Variants in NARF observed in about 807,000 individuals in gnomAD.
The protein encoded by NARF is nuclear prelamin A recognition factor.
A neutral mutation model predicts 48.0 loss-of-function variants in NARF; 41 were observed. The observed-to-expected ratio is 0.85, with a 90% confidence interval of 0.66 to 1.11. The LOEUF is 1.11. NARF is among the 50% of genes least tolerant of loss of function. The probability of loss-of-function intolerance (pLI) is 0.00; values close to 1 mark genes in which losing one functional copy is unlikely to be tolerated. For missense variants in NARF, 613 were observed against 590.2 expected (o/e 1.04, Z -0.40); for synonymous variants, 215 against 225.5 (o/e 0.95, Z 0.42).
chr17:82,458,700 C>A (rs1029644727), upstream of NARF: 2 of 1,381,456 alleles, frequency 1.4e-6, no homozygotes, highest in African/African-American at 3.0e-5. Flanking sequence ...GAGGCCGCGT[C>A]GGGGGAGGAC....
At chr17:82,464,207 T>C in intron 2 of NARF, 80 bp from the exon 3 acceptor site, 1 of 1,528,090 alleles carries the variant, frequency 6.5e-7, no homozygotes, top group Non-Finnish European at 8.9e-7. Flanking sequence ...GTGAATTCTG[T>C]ATATGGGTGT....
At position 82,465,479 on chromosome 17, in the gene NARF, G is replaced by A. The variant is rs571676062; in HGVS notation, c.252+1049G>A. The stretch of plus-strand genomic sequence containing the variant: ...TAGGGGCCTCAAGAAACACTGACTG[G>A]CACAAGTGGGTGGCATAGGGGACAG... On this transcript the variant is annotated intron_variant, in intron 3 of 10. Transcript: ENST00000309794. 1.5e-4 allele frequency among the ~76,000 whole-genome samples: 23 copies of A among 152,308 alleles called. No individual in the cohort carries two copies. In the East Asian group the frequency reaches 4.4e-3, roughly 29 times the overall value.
At position 82,458,846 on chromosome 17, in the gene NARF, C is replaced by G; in HGVS notation, c.27+16C>G. 7.2e-7 allele frequency: 1 copy of G among 1,395,042 alleles called. No individual in the cohort carries two copies. Among genetic ancestry groups the G allele is most frequent in the Non-Finnish European group, 9.3e-7 (1 of 1,076,148 alleles). 86.4% of individuals were successfully genotyped at this position (1,395,042 alleles called of 1,614,324 possible). On this transcript the variant is annotated intron_variant, in intron 1 of 10. Transcript: ENST00000309794. ...CACGCGCAAGGTGAGCGCCGCGGGC[C>G]GGGGAGGCGCGCGCCTGGTGCTTGT...
intron 1 of NARF, chr17:82,459,270 TCCAG>T: frequency 1.2e-6 from 1 of 829,626 alleles, no homozygotes; most frequent in Non-Finnish European, 1.5e-6. Context: ...CGCGGTTGTC[TCCAG>T]GCCATGGCAA....
chr17:82,479,080 A>G (rs767035482), intron 6 of NARF, 162 bp downstream of exon 6: 1 of 581,812 alleles, frequency 1.7e-6, no homozygotes, highest in Non-Finnish European at 3.0e-6. Context: ...GCTGTTTCTC[A>G]CCAACGCCCG....
chr17:82,486,693 G>A (rs897742517), intron 10 of NARF, among the ~76,000 whole-genome samples: 11 of 152,162 alleles, frequency 7.2e-5, no homozygotes, highest in African/African-American at 2.4e-4. Flanking sequence ...GTGTGCAAGC[G>A]GGTGGAGCTG....
intron 3 of NARF, among the ~76,000 whole-genome samples, chr17:82,467,853 G>GT (rs201780128): frequency 0.015 from 2,340 of 151,996 alleles, 73 homozygotes; most frequent in African/African-American, 0.054. Context: ...TAGTGTGTCT[G>GT]TTTTTTTTAT....
intron 9 of NARF, among the ~76,000 whole-genome samples, 184 bp from the exon 10 acceptor site, chr17:82,485,313 C>T (rs1283793083): frequency 1.3e-5 from 2 of 151,774 alleles, no homozygotes; most frequent in Non-Finnish European, 2.9e-5. Flanking sequence ...CCCAGCTACT[C>T]GGGAAGCTGA....
intron 7 of NARF, chr17:82,482,382 A>T (rs972979776): frequency 7.8e-6 from 1 of 128,876 alleles, no homozygotes; most frequent in Admixed American, 1.1e-4. Context: ...TCACTCTCAG[A>T]GGAAGGGCCC....
intron 1 of NARF, among the ~76,000 whole-genome samples, chr17:82,459,630 G>T (rs1306223313): frequency 1.3e-5 from 2 of 152,216 alleles, no homozygotes; most frequent in Non-Finnish European, 2.9e-5. Flanking sequence ...CTTGGGAGGG[G>T]AGGCCGAGGC....
chr17:82,476,534 C>T (rs1037441752), intron 5 of NARF: 1 of 152,624 alleles, frequency 6.6e-6, no homozygotes, highest in Admixed American at 6.5e-5. Context: ...TCCTCTGCCT[C>T]CTGGGTTCAA....
chr17:82,475,149 G>A (rs968731851), intron 5 of NARF, among the ~76,000 whole-genome samples: 3 of 152,124 alleles, frequency 2.0e-5, no homozygotes, highest in Admixed American at 2.0e-4. Context: ...CCCCTTGCAG[G>A]AGTGCTTTCC....
intron 9 of NARF, 134 bp from the exon 10 acceptor site, chr17:82,485,362 AG>A: frequency 1.1e-6 from 1 of 927,886 alleles, no homozygotes; most frequent in Non-Finnish European, 1.6e-6. Context: ...CAGAGGTTGC[AG>A]TGAGCCAAGA....
At chr17:82,460,321 C>A in intron 2 of NARF, 1 of 309,684 alleles carries the variant, frequency 3.2e-6, no homozygotes. Context: ...AAAAATTATC[C>A]AGGTATGGTG....
intron 10 of NARF, among the ~76,000 whole-genome samples, chr17:82,486,660 G>A (rs1177487344): frequency 6.6e-6 from 1 of 152,184 alleles, no homozygotes; most frequent in African/African-American, 2.4e-5. Flanking sequence ...GGGCCGTGAA[G>A]CAGGGCCTCT....
At chr17:82,468,029 T>C (rs2043611326) in intron 3 of NARF, among the ~76,000 whole-genome samples, 1 of 152,154 alleles carries the variant, frequency 6.6e-6, no homozygotes, top group Non-Finnish European at 1.5e-5. Context: ...GACAGAGTAT[T>C]GGCCAGGCTA....
intron 10 of NARF, 118 bp from the exon 11 acceptor site, chr17:82,487,798 A>AC: frequency 1.1e-6 from 1 of 893,400 alleles, no homozygotes; most frequent in Non-Finnish European, 1.6e-6. Context: ...CAATCTCTAC[A>AC]AAAAATTTAA....
At chr17:82,485,192 C>T (rs1192813262) in intron 9 of NARF, among the ~76,000 whole-genome samples, 3 of 152,102 alleles carry the variant, frequency 2.0e-5, no homozygotes, top group East Asian at 1.9e-4. Flanking sequence ...GAGGCCGAGG[C>T]GGGCGGATCA....
At chr17:82,486,845 C>A (rs149132692) in intron 10 of NARF, among the ~76,000 whole-genome samples, 34 of 152,310 alleles carry the variant, frequency 2.2e-4, no homozygotes, top group African/African-American at 7.2e-4. Flanking sequence ...TGAACTCTTA[C>A]ACTACTAAGA....
Sources: allele counts gnomAD v4.1 joint callset (sites outside exome capture counted in the v4.1 genomes callset), GRCh38; gene constraint gnomAD v4.1.1; transcripts MANE v1.5; gene names NCBI Gene and HGNC (gene_info 2026-07-23, HGNC 2026-07-21).